The following CCDC192 variants were observed in gnomAD, a reference collection of about 807,000 sequenced individuals.
CCDC192 encodes the protein coiled-coil domain-containing protein 192.
At chr5:127,719,478 T>TATATATATATATATACACACACATAC (rs1561444738) in intron 2 of CCDC192, among the ~76,000 whole-genome samples, 5 of 19,690 alleles carry the variant, frequency 2.5e-4, no homozygotes, top group Admixed American at 5.2e-4. Flanking sequence ...GACACATACA[T>TATATATATATATATACACACACATAC]ATATATATAT....
intron 3 of CCDC192, among the ~76,000 whole-genome samples, chr5:127,780,643 G>T (rs967797709): frequency 6.6e-5 from 10 of 152,124 alleles, no homozygotes; most frequent in African/African-American, 2.2e-4. Context: ...GTCTATTCAT[G>T]TCTGTAGCCC....
intron 5 of CCDC192, among the ~76,000 whole-genome samples, chr5:127,873,460 G>A (rs1751942728): frequency 6.6e-6 from 1 of 151,830 alleles, no homozygotes; most frequent in Non-Finnish European, 1.5e-5. Flanking sequence ...TACTATCTTC[G>A]GTTTAACACG....
chr5:127,792,856 A>T (rs1014743568), intron 3 of CCDC192, among the ~76,000 whole-genome samples: 5 of 152,276 alleles, frequency 3.3e-5, no homozygotes, highest in South Asian at 4.1e-4. Context: ...GAAGGAGAAT[A>T]AGAATACAAA....
chr5:127,909,285 G>A (rs1358267713), intron 6 of CCDC192, among the ~76,000 whole-genome samples: 1 of 152,042 alleles, frequency 6.6e-6, no homozygotes, highest in Admixed American at 6.6e-5. Flanking sequence ...TACGTTGACT[G>A]GCCACAAGTA....
intron 6 of CCDC192, among the ~76,000 whole-genome samples, chr5:127,883,318 A>AT (rs1257136723): frequency 2.0e-5 from 3 of 152,224 alleles, no homozygotes; most frequent in Non-Finnish European, 4.4e-5. Context: ...AAGATGGGAT[A>AT]TTTTACATTT....
chr5:127,833,979 A>G (rs752110570), intron 5 of CCDC192, among the ~76,000 whole-genome samples: 2 of 152,178 alleles, frequency 1.3e-5, no homozygotes, highest in Non-Finnish European at 2.9e-5. Context: ...ATGCCATCCC[A>G]AAATATGCCA....
At chr5:127,738,835 A>C (rs1382649497) in intron 2 of CCDC192, among the ~76,000 whole-genome samples, 1 of 151,912 alleles carries the variant, frequency 6.6e-6, no homozygotes, top group Admixed American at 6.6e-5. Context: ...CATTCTTCTA[A>C]ATTTTTTTCA....
At position 127,703,508 on chromosome 5, in the gene CCDC192, G is replaced by A. The variant is rs1292601979; in HGVS notation, c.62+1G>A. 5 of 398,784 alleles carry A rather than the reference G, an allele frequency of 1.3e-5. No individual in the cohort carries two copies. Among genetic ancestry groups the A allele is most frequent in the Non-Finnish European group, 2.2e-5 (5 of 226,008 alleles). The allele number at this position is 398,784 out of a possible 1,614,324, so 24.7% of individuals were successfully genotyped here. A position where few individuals can be genotyped will look rare whatever the true frequency, so the allele number is the denominator to read the frequency against. ...AGTCTGACACCTCAGAGAGAAGCAG[G>A]TGAGTTCCCAGCTCCTCTCATCCCA... On this transcript the variant is annotated splice_donor_variant, in intron 1 of 6. Coordinates refer to ENST00000514853, the MANE Select transcript of CCDC192 (RefSeq NM_001317938.2). LOFTEE classifies it high-confidence loss of function.
intron 6 of CCDC192, among the ~76,000 whole-genome samples, chr5:127,907,277 T>C (rs1200077151): frequency 1.3e-5 from 2 of 152,082 alleles, no homozygotes; most frequent in East Asian, 3.9e-4. Context: ...AATAAAATAA[T>C]TCATTTATAT....
At chr5:127,908,275 C>G (rs535319361) in intron 6 of CCDC192, among the ~76,000 whole-genome samples, 4 of 152,262 alleles carry the variant, frequency 2.6e-5, no homozygotes, top group African/African-American at 9.6e-5. Flanking sequence ...TTTATTTCCC[C>G]TGGTCATATA....
At chr5:127,892,057 G>A (rs1437473096) in intron 6 of CCDC192, among the ~76,000 whole-genome samples, 1 of 152,020 alleles carries the variant, frequency 6.6e-6, no homozygotes, top group Non-Finnish European at 1.5e-5. Context: ...GTTTTTATCA[G>A]AGTACTATTA....
intron 5 of CCDC192, among the ~76,000 whole-genome samples, chr5:127,849,558 A>G (rs572249326): frequency 3.3e-5 from 5 of 152,308 alleles, no homozygotes; most frequent in South Asian, 2.1e-4. Flanking sequence ...TCCACTGCCT[A>G]CAAGTACCTA....
chr5:127,836,560 G>A (rs1750043812), intron 5 of CCDC192, among the ~76,000 whole-genome samples: 2 of 152,210 alleles, frequency 1.3e-5, no homozygotes, highest in South Asian at 2.1e-4. Flanking sequence ...CTTCTGCCTG[G>A]ACATCCAGGC....
chr5:127,882,890 G>A (rs1752413182), intron 6 of CCDC192, among the ~76,000 whole-genome samples: 1 of 152,192 alleles, frequency 6.6e-6, no homozygotes, highest in Non-Finnish European at 1.5e-5. Flanking sequence ...TTTCAAAGCT[G>A]TTATTCCCCA....
At chr5:127,862,217 CTT>C (rs1254592325) in intron 5 of CCDC192, among the ~76,000 whole-genome samples, 2 of 152,174 alleles carry the variant, frequency 1.3e-5, no homozygotes, top group African/African-American at 4.8e-5. Context: ...CAACAAATCT[CTT>C]TCTCTCTCAA....
intron 6 of CCDC192, among the ~76,000 whole-genome samples, chr5:127,889,211 A>G (rs2127153657): frequency 6.6e-6 from 1 of 152,304 alleles, no homozygotes; most frequent in Admixed American, 6.5e-5. Context: ...ATTATATAAA[A>G]AAGCTTTCAT....
At chr5:127,827,365 A>G (rs1182426242) in intron 5 of CCDC192, among the ~76,000 whole-genome samples, 1 of 152,136 alleles carries the variant, frequency 6.6e-6, no homozygotes, top group Non-Finnish European at 1.5e-5. Flanking sequence ...TTTTTCCAGC[A>G]TTTGCTTTTC....
chr5:127,800,395 A>AAAAAAAAAAAAAAAAAAAAAAAAG (rs1757432227), intron 5 of CCDC192, among the ~76,000 whole-genome samples: 1 of 138,654 alleles, frequency 7.2e-6, no homozygotes, highest in Non-Finnish European at 1.6e-5. Flanking sequence ...AAAAAAAAAA[A>AAAAAAAAAAAAAAAAAAAAAAAAG]AAAAAACAAC....
In CCDC192 at chr5:127,781,908, T is replaced by C. The variant is rs116543366; in HGVS notation, c.223-15195T>C. 2.4e-3 allele frequency among the ~76,000 whole-genome samples: 373 copies of C among 152,330 alleles called. 2 individuals are homozygous for C. The highest frequency in any genetic ancestry group is 8.5e-3 in the African/African-American group (354 of 41,566). On this transcript the variant is annotated intron_variant, in intron 3 of 6. Coordinates refer to ENST00000514853, the MANE Select transcript of CCDC192 (RefSeq NM_001317938.2). ...AGTGGTGAGAATGGGCATCCTTATC[T>C]AGTTCCAGTTCTCAGAGAATATGCT...
Sources: allele counts gnomAD v4.1 joint callset (sites outside exome capture counted in the v4.1 genomes callset), GRCh38; gene constraint gnomAD v4.1.1; transcripts MANE v1.5; gene names NCBI Gene and HGNC (gene_info 2026-07-23, HGNC 2026-07-21).